Variants in CWC25 observed in about 807,000 individuals in gnomAD.
CWC25 encodes CWC25 spliceosome associated protein.
In CWC25, 31 loss-of-function variants were observed where a neutral mutation model predicts 54.6. The ratio of observed to expected loss-of-function variants is 0.57; its 90% CI spans 0.43 to 0.77. CWC25 has a LOEUF of 0.77. CWC25 is among the 30% of genes least tolerant of loss of function. The probability of loss-of-function intolerance (pLI) is 0.00; values close to 1 mark genes in which losing one functional copy is unlikely to be tolerated. For missense variants in CWC25, 453 were observed against 529.3 expected (o/e 0.86, Z 1.41); for synonymous variants, 151 against 187.0 (o/e 0.81, Z 1.57).
chr17:38,820,990 C>G lies in CWC25; in HGVS notation c.102G>C (p.Arg34=). 1 of 1,613,990 alleles carries G rather than the reference C, an allele frequency of 6.2e-7. No individual in the cohort carries two copies. The highest frequency in any genetic ancestry group is 8.5e-7 in the Non-Finnish European group (1 of 1,179,904). ...WKAEQKHEAE[R]KKIEELQREL... ...CCCGCTGAAGCTCCTCAATCTTCTT[C>G]CGCTCAGCCTCATGCTTCTGCTCGG... The change falls in exon 2 of 10, where the codon CGG becomes CGC. Residue 34 remains arginine, a synonymous_variant. Coordinates refer to ENST00000614790, the MANE Select transcript of CWC25 (RefSeq NM_017748.5).
At chr17:38,813,872 G>T (rs1416000094) in intron 3 of CWC25, among the ~76,000 whole-genome samples, 1 of 151,380 alleles carries the variant, frequency 6.6e-6, no homozygotes, top group Non-Finnish European at 1.5e-5. Context: ...TGTTGTTGTT[G>T]TTTTTTCGAG....
chr17:38,814,822 C>T, intron 3 of CWC25, 39 bp downstream of exon 3: 2 of 1,440,578 alleles, frequency 1.4e-6, no homozygotes, highest in Non-Finnish European at 1.9e-6. Flanking sequence ...GGTCTCAAAG[C>T]ATCTGTAACA....
intron 1 of CWC25, among the ~76,000 whole-genome samples, chr17:38,822,975 C>A (rs1411667171): frequency 6.8e-6 from 1 of 147,876 alleles, no homozygotes; most frequent in Admixed American, 6.9e-5. Context: ...GTAGCTGGGA[C>A]TACAGACATC....
chr17:38,802,284 G>C (rs2143536280), intron 9 of CWC25, 78 bp from the exon 10 acceptor site: 1 of 982,272 alleles, frequency 1.0e-6, no homozygotes, highest in Non-Finnish European at 1.6e-6. Flanking sequence ...CAGAAGAAAT[G>C]GGTTGTTAGC....
intron 9 of CWC25, 108 bp from the exon 10 acceptor site, chr17:38,802,314 C>T (rs1911060571): frequency 8.4e-6 from 6 of 710,410 alleles, no homozygotes; most frequent in Non-Finnish European, 1.2e-5. Flanking sequence ...GCTGTAAAAA[C>T]ACAACCTCTT....
At chr17:38,805,144 A>G (rs534452449) in intron 8 of CWC25, among the ~76,000 whole-genome samples, 1 of 151,566 alleles carries the variant, frequency 6.6e-6, no homozygotes, top group African/African-American at 2.4e-5. Context: ...GCGTGACAAC[A>G]TGTGCCTGTA....
chr17:38,815,014 A>G lies in CWC25; in HGVS notation c.275T>C (p.Ile92Thr), dbSNP rs1198251149. Residue 92 changes from isoleucine to threonine, a missense_variant, in exon 3 of 10, where the codon ATT becomes ACT. Ile to Thr is a moderately conservative substitution (Grantham distance 89). Around this residue, in one of 2 missense-constraint regions of CWC25, gnomAD observed 444 missense variants for 499.2 expected, o/e 0.89. Coordinates refer to ENST00000614790, the MANE Select transcript of CWC25 (RefSeq NM_017748.5). ...NRDEYLLGRP[I>T]DKYVFEKMEE... ...CATCTTCTCAAAAACATATTTGTCA[A>G]TGGGGCGCCCCAGCAGGTACTCGTC... 5 of 1,613,910 alleles carry G rather than the reference A, an allele frequency of 3.1e-6. No individual in the cohort carries two copies. Among genetic ancestry groups the G allele is most frequent in the East Asian group, 2.2e-5 (1 of 44,874 alleles).
At chr17:38,824,927 G>T (rs1330486057) in intron 1 of CWC25, among the ~76,000 whole-genome samples, 2 of 152,060 alleles carry the variant, frequency 1.3e-5, no homozygotes. Context: ...CGGTAGAGCC[G>T]CAGTCAACAA....
chr17:38,820,982 A>G lies in CWC25; in HGVS notation c.110T>C (p.Ile37Thr), dbSNP rs372975697. The change falls in exon 2 of 10, where the codon ATT (isoleucine) becomes ACT (threonine). Residue 37 changes from isoleucine to threonine, a missense_variant. Ile to Thr is a moderately conservative substitution (Grantham distance 89, BLOSUM62 -1). Coordinates refer to ENST00000614790, the MANE Select transcript of CWC25 (RefSeq NM_017748.5). ...EQKHEAERKK[I>T]EELQRELREE... ...TCGCAGCTCCCGCTGAAGCTCCTCAATCTTCTTCCGCTCAGCCTCATGCTT... is the reference window on the plus strand; with the variant it reads ...TCGCAGCTCCCGCTGAAGCTCCTCAGTCTTCTTCCGCTCAGCCTCATGCTT... 1.9e-6 allele frequency: 3 copies of G among 1,613,808 alleles called. No individual in the cohort carries two copies. Among genetic ancestry groups the G allele is most frequent in the African/African-American group, 2.7e-5 (2 of 74,972 alleles).
chr17:38,823,810 C>A (rs183213707), intron 1 of CWC25, among the ~76,000 whole-genome samples: 15 of 152,312 alleles, frequency 9.8e-5, no homozygotes, highest in South Asian at 6.2e-4. Flanking sequence ...CTTCTGGAGT[C>A]ATTTTTGGCT....
intron 4 of CWC25, among the ~76,000 whole-genome samples, chr17:38,811,221 G>A (rs1164382930): frequency 6.6e-6 from 1 of 150,696 alleles, no homozygotes; most frequent in African/African-American, 2.4e-5. Context: ...GCGACAGAGT[G>A]AGACTCCATC....
At chr17:38,815,697 C>T (rs1309489855) in intron 2 of CWC25, 33 of 1,280,546 alleles carry the variant, frequency 2.6e-5, no homozygotes, top group Non-Finnish European at 3.2e-5. Flanking sequence ...CTTCTCGAGT[C>T]TCCTTTACAG....
chr17:38,811,924 G>C (rs1049069501), intron 4 of CWC25, among the ~76,000 whole-genome samples: 2 of 151,836 alleles, frequency 1.3e-5, no homozygotes, highest in Middle Eastern at 3.4e-3. Context: ...TGAATGGTAA[G>C]TGGGCCCTAG....
In CWC25 at chr17:38,806,792, C is replaced by A; in HGVS notation, c.875G>T (p.Arg292Met). 6.2e-7 allele frequency: 1 copy of A among 1,605,750 alleles called. No homozygotes were observed. Among genetic ancestry groups the A allele is most frequent in the Non-Finnish European group, 8.5e-7 (1 of 1,176,696 alleles). ...RDRRSRSLGR[R>M]SRSPRPSKLH... The stretch of plus-strand genomic sequence containing the variant: ...TTTGCTGGGTCTTGGGGACCGTGAC[C>A]TTCTGCCCAGGGATCGAGACCTCCT... Residue 292 changes from arginine (R) to methionine (M), a missense_variant, in exon 7 of 10, where the codon AGG becomes ATG. Physicochemically the swap from Arg to Met is moderately conservative, Grantham distance 91 (BLOSUM62 -1). Coordinates refer to ENST00000614790, the MANE Select transcript of CWC25 (RefSeq NM_017748.5).
Position 38,810,614 on chromosome 17 carries a change from A to C in CWC25, c.499-19T>G. The C allele has an allele frequency of 8.3e-7, 1 of 1,199,214 alleles. No homozygotes were observed. The highest frequency in any genetic ancestry group is 1.2e-6 in the Non-Finnish European group (1 of 826,066). The allele number at this position is 1,199,214 out of a possible 1,614,324, so 74.3% of individuals were successfully genotyped here. Reference sequence around the variant, plus strand: ...TTTGCAACTGGAAAATGCCGAGAACACAAGCACACAAGATTACTGAGACCA... The same window carrying C: ...TTTGCAACTGGAAAATGCCGAGAACCCAAGCACACAAGATTACTGAGACCA... On this transcript the variant is annotated intron_variant, in intron 4 of 9. Transcript: ENST00000614790.
chr17:38,813,377 G>A (rs1911567260), intron 3 of CWC25, among the ~76,000 whole-genome samples: 2 of 151,222 alleles, frequency 1.3e-5, no homozygotes, highest in African/African-American at 2.4e-5. Flanking sequence ...GGAGGCTGAC[G>A]TGGGAGAATA....
In CWC25 at chr17:38,805,141, A is replaced by C. The variant is rs1911181638; in HGVS notation, c.1001+1156T>G. On this transcript the variant is annotated intron_variant, in intron 8 of 9. Coordinates refer to ENST00000614790, the MANE Select transcript of CWC25 (RefSeq NM_017748.5). ...AAAAAAAAAATTAGCTGGGCGTGAC[A>C]ACATGTGCCTGTAGTCCCAGCTACT... 1.4e-5 allele frequency among the ~76,000 whole-genome samples: 2 copies of C among 148,078 alleles called. 1 individual carries two copies. Among genetic ancestry groups the C allele is most frequent in the South Asian group, 4.3e-4 (2 of 4,644 alleles).
chr17:38,801,912 G>A lies in CWC25; in HGVS notation c.*180C>T, dbSNP rs1289363761. 2.1e-6 allele frequency: 1 copy of A among 487,030 alleles called. No homozygotes were observed. The highest frequency in any genetic ancestry group is 3.2e-5 in the East Asian group (1 of 31,206). 30.2% of individuals were successfully genotyped at this position (487,030 alleles called of 1,614,324 possible). ...CCAAAGTTACTGAGTGTCCCACAAA[G>A]CAAGTCACACTAGCTCTCAAAGGAA... On this transcript the variant is annotated 3_prime_UTR_variant, in exon 10 of 10. Transcript: ENST00000614790.
intron 6 of CWC25, among the ~76,000 whole-genome samples, chr17:38,809,251 A>C (rs940825257): frequency 6.6e-6 from 1 of 151,474 alleles, no homozygotes; most frequent in Non-Finnish European, 1.5e-5. Flanking sequence ...AACATGACGA[A>C]ACCCTGTCTC....
Sources: allele counts gnomAD v4.1 joint callset (sites outside exome capture counted in the v4.1 genomes callset), GRCh38; gene constraint gnomAD v4.1.1; regional missense constraint gnomAD v4.1.1; transcripts MANE v1.5; gene names NCBI Gene and HGNC (gene_info 2026-07-23, HGNC 2026-07-21).